The following APIP variants were observed in gnomAD, a reference collection of about 807,000 sequenced individuals.
APIP encodes APAF1 interacting protein, also known as methylthioribulose-1-phosphate dehydratase.
In APIP, 32 loss-of-function variants were observed where a neutral mutation model predicts 32.0. That is an observed-to-expected ratio of 1.00 (90% CI 0.76 to 1.34). The LOEUF (loss-of-function observed/expected upper bound fraction) is 1.34. APIP is among the 40% of genes most tolerant of loss of function. The pLI is 0.00. For synonymous variants in APIP, 92 were observed against 94.8 expected, an observed-to-expected ratio of 0.97 and a Z score of 0.17; for missense variants, 247 against 298.6, an observed-to-expected ratio of 0.83 and a Z score of 1.27.
At chr11:34,904,306 T>G (rs1052534162) in intron 1 of APIP, among the ~76,000 whole-genome samples, 3 of 152,182 alleles carry the variant, frequency 2.0e-5, no homozygotes, top group Non-Finnish European at 2.9e-5. Flanking sequence ...ACAAGGGGTC[T>G]CAAAAGCACT....
intron 1 of APIP, among the ~76,000 whole-genome samples, chr11:34,902,237 A>C (rs1043144029): frequency 6.6e-6 from 1 of 152,202 alleles, no homozygotes; most frequent in Non-Finnish European, 1.5e-5. Flanking sequence ...GTTAACATGG[A>C]CGGTGCTGCC....
chr11:34,886,914 G>A (rs769154095), intron 5 of APIP, among the ~76,000 whole-genome samples: 5 of 151,988 alleles, frequency 3.3e-5, no homozygotes, highest in East Asian at 1.9e-4. Context: ...GACACATTTC[G>A]CAGAACATAT....
intron 1 of APIP, chr11:34,915,919 G>A: frequency 2.1e-6 from 1 of 481,708 alleles, no homozygotes; most frequent in Non-Finnish European, 3.7e-6. Flanking sequence ...TCTCTGGCCT[G>A]CCTTCCTGAT....
chr11:34,906,300 C>G (rs1853454006), intron 1 of APIP, among the ~76,000 whole-genome samples: 3 of 152,036 alleles, frequency 2.0e-5, no homozygotes, highest in Non-Finnish European at 4.4e-5. Flanking sequence ...GGAGTCATCC[C>G]TAATTGAGGC....
chr11:34,901,373 T>C (rs1334282558), intron 1 of APIP, among the ~76,000 whole-genome samples: 1 of 145,980 alleles, frequency 6.9e-6, no homozygotes, highest in Non-Finnish European at 1.5e-5. Context: ...GTCTCACAGA[T>C]GGTCCAGCAA....
At chr11:34,891,610 T>C (rs1392440281) in intron 2 of APIP, among the ~76,000 whole-genome samples, 4 of 152,096 alleles carry the variant, frequency 2.6e-5, no homozygotes, top group Non-Finnish European at 5.9e-5. Flanking sequence ...TTGGAACCGA[T>C]AAAAATCTAA....
chr11:34,884,466 T>C (rs1326500432), intron 5 of APIP, among the ~76,000 whole-genome samples: 1 of 152,202 alleles, frequency 6.6e-6, no homozygotes, highest in Non-Finnish European at 1.5e-5. Flanking sequence ...GGCTCATAGC[T>C]ATAATCCCAG....
Position 34,904,186 on chromosome 11 carries a change from C to T in APIP, c.58-9076G>A, listed in dbSNP as rs185407016. The stretch of plus-strand genomic sequence containing the variant: ...GGTAGAAGCATTTCCATGCCATCCA[C>T]AAAGAGCCTCTGAGGTAATAAAAAT... On this transcript the variant is annotated intron_variant, in intron 1 of 6. Transcript: ENST00000395787. Among the ~76,000 whole-genome samples, 82 of 152,288 alleles carry T rather than the reference C, an allele frequency of 5.4e-4. 1 individual carries two copies. Among genetic ancestry groups the T allele is most frequent in the African/African-American group, 1.9e-3 (77 of 41,566 alleles).
chr11:34,902,683 CA>C (rs1853386992), intron 1 of APIP, among the ~76,000 whole-genome samples: 1 of 152,166 alleles, frequency 6.6e-6, no homozygotes, highest in Non-Finnish European at 1.5e-5. Flanking sequence ...AGCTAAAACT[CA>C]TCTTTTAACC....
chr11:34,915,907 C>T, intron 1 of APIP: 1 of 443,558 alleles, frequency 2.3e-6, no homozygotes, highest in East Asian at 4.0e-5. Flanking sequence ...TTCACGATTC[C>T]TTCTCTGGCC....
intron 1 of APIP, among the ~76,000 whole-genome samples, chr11:34,915,191 G>A (rs1258078027): frequency 2.0e-5 from 3 of 152,022 alleles, no homozygotes; most frequent in Non-Finnish European, 2.9e-5. Flanking sequence ...AAGATTTACT[G>A]ATTGAGGGTA....
intron 5 of APIP, among the ~76,000 whole-genome samples, chr11:34,886,739 A>G (rs954676682): frequency 6.6e-6 from 1 of 152,094 alleles, no homozygotes; most frequent in African/African-American, 2.4e-5. Flanking sequence ...ACAAATACCT[A>G]CCATTGTGTT....
intron 1 of APIP, chr11:34,896,665 TACCTAAGTAACAA>T: frequency 1.4e-6 from 1 of 740,370 alleles, no homozygotes; most frequent in Non-Finnish European, 2.0e-6. Context: ...GGCACGTGTA[TACCTAAGTAACAA>T]ACCTGTAAGT....
chr11:34,903,737 C>G (rs1853400873), intron 1 of APIP, among the ~76,000 whole-genome samples: 1 of 152,092 alleles, frequency 6.6e-6, no homozygotes, highest in South Asian at 2.1e-4. Context: ...TGGGAAGGCT[C>G]CATAAGAGAA....
chr11:34,888,631 T>C (rs1853126209), intron 4 of APIP, 121 bp downstream of exon 4: 1 of 1,109,492 alleles, frequency 9.0e-7, no homozygotes, highest in East Asian at 2.6e-5. Flanking sequence ...AGTAAGTTCA[T>C]GCACTTCAAG....
chr11:34,906,551 G>A (rs1362429565), intron 1 of APIP, among the ~76,000 whole-genome samples: 1 of 152,154 alleles, frequency 6.6e-6, no homozygotes, highest in Non-Finnish European at 1.5e-5. Context: ...AGGGTGGAAG[G>A]CAACTGTAGG....
At chr11:34,913,269 G>C (rs754989147) in intron 1 of APIP, among the ~76,000 whole-genome samples, 1 of 152,284 alleles carries the variant, frequency 6.6e-6, no homozygotes, top group Admixed American at 6.5e-5. Context: ...GGCCCTTTAG[G>C]TCTGGTCCTA....
Position 34,888,748 on chromosome 11 carries a change from A to C in APIP, c.325+4T>G. ...TCTTTATGTTGAATATATTTTCTGC[A>C]TACCTCTCATTGTGTAAGCATTCAT... On this transcript the variant is annotated splice_donor_region_variant and intron_variant, in intron 4 of 6. Transcript: ENST00000395787. 1 of 1,514,220 alleles carries C rather than the reference A, an allele frequency of 6.6e-7. No individual in the cohort carries two copies. The highest frequency in any genetic ancestry group is 2.0e-4 in the Middle Eastern group (1 of 4,976). The allele number at this position is 1,514,220 out of a possible 1,614,324, so 93.8% of individuals were successfully genotyped here. A position where few individuals can be genotyped will look rare whatever the true frequency, so the allele number is the denominator to read the frequency against.
At chr11:34,904,310 A>C (rs995152093) in intron 1 of APIP, among the ~76,000 whole-genome samples, 13 of 152,216 alleles carry the variant, frequency 8.5e-5, no homozygotes, top group Admixed American at 8.5e-4. Flanking sequence ...GGGGTCTCAA[A>C]AGCACTAGGC....
Sources: allele counts gnomAD v4.1 joint callset (sites outside exome capture counted in the v4.1 genomes callset), GRCh38; gene constraint gnomAD v4.1.1; transcripts MANE v1.5; gene names NCBI Gene and HGNC (gene_info 2026-07-23, HGNC 2026-07-21).